S100A2: variants seen among roughly 807,000 people sequenced by gnomAD.
S100A2 encodes the protein S100 calcium binding protein A2.
Under a neutral mutation model 4.3 loss-of-function variants are expected in S100A2, and 5 were observed. The observed-to-expected ratio is 1.16, with a 90% CI of 0.61 to 2.44. The LOEUF is 2.44. Ranked by LOEUF, S100A2 falls within the 30% of genes most tolerant of loss-of-function variation. S100A2 has a pLI of 0.01. For missense variants in S100A2, 103 were observed against 114.7 expected, an observed-to-expected ratio of 0.90 and a Z score of 0.47; for synonymous variants, 44 against 46.0, an observed-to-expected ratio of 0.96 and a Z score of 0.17.
chr1:153,564,160 G>A (rs192938212), intron 1 of S100A2: 31 of 362,636 alleles, frequency 8.5e-5, no homozygotes, highest in African/African-American at 5.4e-4. Flanking sequence ...CCTGAGGGCA[G>A]GGCTCCCCAT....
Position 153,561,274 on chromosome 1 carries a change from AG to A in S100A2, c.*164del, listed in dbSNP as rs1665887861. The stretch of plus-strand genomic sequence containing the variant: ...AGCCCAGAAGGGAGCAGGATCCAGG[AG>A]GCCCTCATCTCCCAGCACTCCAGCT... On this transcript the variant is annotated 3_prime_UTR_variant, in exon 3 of 3. Coordinates refer to ENST00000368708, the MANE Select transcript of S100A2 (RefSeq NM_005978.4). 1 of 731,986 alleles carries A rather than the reference AG, an allele frequency of 1.4e-6. No homozygotes were observed. Among genetic ancestry groups the A allele is most frequent in the Admixed American group, 2.7e-5 (1 of 36,664 alleles). The allele number at this position is 731,986 out of a possible 1,614,324, so 45.3% of individuals were successfully genotyped here.
In S100A2 at chr1:153,563,844, C is replaced by G. The variant is rs1436731791; in HGVS notation, c.34G>C (p.Val12Leu). 1.2e-6 allele frequency: 2 copies of G among 1,614,216 alleles called. No homozygotes were observed. The highest frequency in any genetic ancestry group is 8.5e-7 in the Non-Finnish European group (1 of 1,180,028). ...TACTTGTGGAAGGTAGTGACCAGCACAGCCAGCGCCTGCTCCAGAGAACTG... is the reference window on the plus strand; with the variant it reads ...TACTTGTGGAAGGTAGTGACCAGCAGAGCCAGCGCCTGCTCCAGAGAACTG... ...MCSSLEQALAVLVTTFHKYSC... is the reference protein window; with the variant it reads ...MCSSLEQALALLVTTFHKYSC... Residue 12 changes from valine to leucine, a missense_variant, in exon 2 of 3, where the codon GTG (valine) becomes CTG (leucine). Val to Leu is a conservative substitution (Grantham distance 32, BLOSUM62 1). Coordinates refer to ENST00000368708, the MANE Select transcript of S100A2 (RefSeq NM_005978.4).
intron 1 of S100A2, 47 bp from the exon 2 acceptor site, chr1:153,563,934 C>A: frequency 6.3e-7 from 1 of 1,579,670 alleles, no homozygotes; most frequent in Non-Finnish European, 8.6e-7. Context: ...CTCTTGGGGC[C>A]TTAGCTCAGC....
At position 153,563,776 on chromosome 1, in the gene S100A2, T is replaced by A; in HGVS notation, c.102A>T (p.Glu34Asp). The change falls in exon 2 of 3, where the codon GAA becomes GAT. Residue 34 changes from glutamate to aspartate, a missense_variant. By Grantham distance (45) the Glu-to-Asp change is conservative. Transcript: ENST00000368708. ...GCTCCTTGTGCAGAAGTTCCTTCAT[T>A]TCCCCCTTACTCAGCTTGAACTTGT... is the stretch of plus-strand genomic sequence containing the variant. ...EGDKFKLSKG[E>D]MKELLHKELP... The A allele has an allele frequency of 1.9e-6, 3 of 1,614,206 alleles. No homozygotes were observed. Among genetic ancestry groups the A allele is most frequent in the Non-Finnish European group, 2.5e-6 (3 of 1,180,018 alleles).
intron 2 of S100A2, 80 bp downstream of exon 2, chr1:153,563,654 G>C (rs567462040): frequency 6.3e-7 from 1 of 1,586,334 alleles, no homozygotes; most frequent in Non-Finnish European, 8.6e-7. Context: ...GCATCGACAG[G>C]CACCCGGAAC....
At chr1:153,562,304 C>A (rs933909927) in intron 2 of S100A2, among the ~76,000 whole-genome samples, 2 of 151,682 alleles carry the variant, frequency 1.3e-5, no homozygotes, top group Admixed American at 1.3e-4. Flanking sequence ...CCATGCCTGG[C>A]CAATTTTTAT....
In S100A2 at chr1:153,561,317, G is replaced by T; in HGVS notation, c.*122C>A. On this transcript the variant is annotated 3_prime_UTR_variant, in exon 3 of 3. Transcript: ENST00000368708. ...ACTCCAGCTGAGCCAGCCGGGTTATGGAACATCACTGAGCAATTAAAATAT... is the reference window on the plus strand; with the variant it reads ...ACTCCAGCTGAGCCAGCCGGGTTATTGAACATCACTGAGCAATTAAAATAT... The T allele has an allele frequency of 7.9e-7, 1 of 1,261,742 alleles. No homozygotes were observed. Among genetic ancestry groups the T allele is most frequent in the Non-Finnish European group, 1.1e-6 (1 of 904,478 alleles). The allele number at this position is 1,261,742 out of a possible 1,614,324, so 78.2% of individuals were successfully genotyped here. A position where few individuals can be genotyped will look rare whatever the true frequency, so the allele number is the denominator to read the frequency against.
intron 2 of S100A2, 128 bp from the exon 3 acceptor site, chr1:153,561,719 TG>T: frequency 7.4e-7 from 1 of 1,344,894 alleles, no homozygotes; most frequent in Non-Finnish European, 1.0e-6. Flanking sequence ...GGGTATAAGG[TG>T]GGCAGGAGGC....
intron 2 of S100A2, among the ~76,000 whole-genome samples, chr1:153,562,901 A>C (rs1665925793): frequency 6.7e-6 from 1 of 149,434 alleles, no homozygotes; most frequent in Non-Finnish European, 1.5e-5. Flanking sequence ...GCTTGAGCCC[A>C]GGAGTTCGAG....
chr1:153,564,098 C>T (rs975432977), intron 1 of S100A2: 6 of 513,300 alleles, frequency 1.2e-5, no homozygotes, highest in Admixed American at 1.1e-4. Context: ...GCTAAAGCTT[C>T]CCTTGTGTCT....
intron 2 of S100A2, among the ~76,000 whole-genome samples, chr1:153,562,508 A>G (rs1001574057): frequency 2.0e-4 from 30 of 152,164 alleles, no homozygotes; most frequent in Admixed American, 6.5e-4. Flanking sequence ...AAACAAAATT[A>G]AAAAAAGGAA....
In S100A2 at chr1:153,561,318, G is replaced by T; in HGVS notation, c.*121C>A. The T allele has an allele frequency of 7.9e-7, 1 of 1,271,508 alleles. No individual in the cohort carries two copies. Among genetic ancestry groups the T allele is most frequent in the Non-Finnish European group, 1.1e-6 (1 of 911,000 alleles). The allele number at this position is 1,271,508 out of a possible 1,614,324, so 78.8% of individuals were successfully genotyped here. A position where few individuals can be genotyped will look rare whatever the true frequency, so the allele number is the denominator to read the frequency against. ...CTCCAGCTGAGCCAGCCGGGTTATG[G>T]AACATCACTGAGCAATTAAAATATT... On this transcript the variant is annotated 3_prime_UTR_variant, in exon 3 of 3. Transcript: ENST00000368708.
Position 153,561,387 on chromosome 1 carries a change from A to G in S100A2, c.*52T>C. The G allele has an allele frequency of 6.3e-7, 1 of 1,577,428 alleles. No individual in the cohort carries two copies. Among genetic ancestry groups the G allele is most frequent in the Non-Finnish European group, 8.6e-7 (1 of 1,159,184 alleles). Reference sequence around the variant, plus strand: ...TTTATTGAATACAAAACTCAAAGGCATCAACAGTCCTGGGCCCAAGAGATC... The same window carrying G: ...TTTATTGAATACAAAACTCAAAGGCGTCAACAGTCCTGGGCCCAAGAGATC... On this transcript the variant is annotated 3_prime_UTR_variant, in exon 3 of 3. Coordinates refer to ENST00000368708, the MANE Select transcript of S100A2 (RefSeq NM_005978.4).
Position 153,561,443 on chromosome 1 carries a change from G to A in S100A2, c.293C>T (p.Pro98Leu). ...NDFFQGCPDR[P>L] ...CAGGAAGTCAAGAGTTCTGCTTCAG[G>A]GTCGGTCTGGGCAGCCCTGGAAGAA... is the stretch of plus-strand genomic sequence containing the variant. Residue 98 changes from proline (P) to leucine (L), a missense_variant, in exon 3 of 3, where the codon CCC (proline) becomes CTC (leucine). Transcript: ENST00000368708. 6.2e-7 allele frequency: 1 copy of A among 1,612,192 alleles called. No individual in the cohort carries two copies. Among genetic ancestry groups the A allele is most frequent in the Non-Finnish European group, 8.5e-7 (1 of 1,178,380 alleles).
At chr1:153,565,242 G>A (rs921708712) in intron 1 of S100A2, among the ~76,000 whole-genome samples, 1 of 150,922 alleles carries the variant, frequency 6.6e-6, no homozygotes, top group Non-Finnish European at 1.5e-5. Flanking sequence ...AACCTGGGAG[G>A]GGGAGTTTGC....
At position 153,563,648 on chromosome 1, in the gene S100A2, C is replaced by T. The variant is rs1160758469; in HGVS notation, c.144+86G>A. 72 of 1,582,636 alleles carry T rather than the reference C, an allele frequency of 4.5e-5. 1 individual carries two copies. In the South Asian group the frequency reaches 7.4e-4, roughly 16 times the overall value. On this transcript the variant is annotated intron_variant, in intron 2 of 2. Transcript: ENST00000368708. ...CTGGGCCCCACCCTGGCACCTGCAT[C>T]GACAGGCACCCGGAACTGGGGGAGA...
rs753488429 is a variant in S100A2 at position 153,563,758 on chromosome 1, G to T, written c.120C>A (p.His40Gln). ...CCCCCACAAAGCTGGGCAGCTCCTT[G>T]TGCAGAAGTTCCTTCATTTCCCCCT... ...LSKGEMKELL[H>Q]KELPSFVGEK... The change falls in exon 2 of 3, where the codon CAC (histidine) becomes CAA (glutamine). Residue 40 changes from histidine (H) to glutamine (Q), a missense_variant. By Grantham distance (24) the His-to-Gln change is conservative. Transcript: ENST00000368708. The T allele has an allele frequency of 1.2e-6, 2 of 1,614,182 alleles. No individual in the cohort carries two copies. The highest frequency in any genetic ancestry group is 1.1e-5 in the South Asian group (1 of 91,084).
chr1:153,563,459 C>T (rs1177738262), intron 2 of S100A2: 2 of 1,550,536 alleles, frequency 1.3e-6, no homozygotes, highest in Non-Finnish European at 1.7e-6. Context: ...CTTCTGGGCT[C>T]TGGTTTCTCA....
chr1:153,563,660 G>A (rs559957733), intron 2 of S100A2, 74 bp downstream of exon 2: 88 of 1,586,874 alleles, frequency 5.5e-5, no homozygotes, highest in South Asian at 3.1e-4. Context: ...ACAGGCACCC[G>A]GAACTGGGGG....
Sources: gnomAD v4.1 joint callset for allele counts (sites outside exome capture counted in the v4.1 genomes callset) on GRCh38, gnomAD v4.1.1 for gene constraint, MANE v1.5 for transcripts, NCBI Gene and HGNC (gene_info 2026-07-23, HGNC 2026-07-21) for gene names.